Variants in TPRG1 observed in about 807,000 individuals in gnomAD.
TPRG1 encodes tumor protein p63-regulated gene 1 protein.
Under a neutral mutation model 29.3 loss-of-function variants are expected in TPRG1, and 29 were observed. That is an observed-to-expected ratio of 0.99 (90% CI 0.74 to 1.35). The LOEUF (loss-of-function observed/expected upper bound fraction) is 1.35, where lower values mean the gene tolerates loss of function less well. Ranked by LOEUF, TPRG1 falls within the 40% of genes most tolerant of loss-of-function variation. The pLI, the probability that TPRG1 is intolerant of heterozygous loss-of-function variation, is 0.00. For synonymous variants in TPRG1, 130 were observed against 116.8 expected, an observed-to-expected ratio of 1.11 and a Z score of -0.73; for missense variants, 327 against 335.0, an observed-to-expected ratio of 0.98 and a Z score of 0.19.
At chr3:189,086,778 A>G (rs1717973481) in intron 4 of TPRG1, among the ~76,000 whole-genome samples, 1 of 151,984 alleles carries the variant, frequency 6.6e-6, no homozygotes, top group African/African-American at 2.4e-5. Flanking sequence ...TGTTCTTGCA[A>G]TAGTTTGCTG....
intron 4 of TPRG1, among the ~76,000 whole-genome samples, chr3:189,259,391 C>T (rs1712553619): frequency 6.6e-6 from 1 of 151,688 alleles, no homozygotes; most frequent in African/African-American, 2.4e-5. Flanking sequence ...AGAAATCACC[C>T]CTTCTGTGTT....
intron 4 of TPRG1, among the ~76,000 whole-genome samples, chr3:189,033,139 T>C (rs1036532745): frequency 3.9e-5 from 6 of 152,178 alleles, no homozygotes; most frequent in Non-Finnish European, 7.3e-5. Context: ...CCAGAACTTA[T>C]CACATGACCA....
intron 3 of TPRG1, among the ~76,000 whole-genome samples, chr3:189,011,166 C>G (rs1432654470): frequency 6.6e-6 from 1 of 152,056 alleles, no homozygotes; most frequent in East Asian, 1.9e-4. Flanking sequence ...GTTACTGTAG[C>G]CTTGTAGTAT....
intron 1 of TPRG1, among the ~76,000 whole-genome samples, chr3:189,101,702 A>G (rs1719224056): frequency 6.6e-6 from 1 of 152,056 alleles, no homozygotes; most frequent in African/African-American, 2.4e-5. Context: ...GTTCTCTGAT[A>G]TCTTTTAGAG....
intron 1 of TPRG1, among the ~76,000 whole-genome samples, chr3:189,122,229 A>G (rs1297329715): frequency 6.6e-6 from 1 of 152,150 alleles, no homozygotes; most frequent in Non-Finnish European, 1.5e-5. Flanking sequence ...GATATTTCTC[A>G]TTAGGTAGAT....
At chr3:189,300,297 G>C (rs1013049115) in intron 4 of TPRG1, among the ~76,000 whole-genome samples, 8 of 152,168 alleles carry the variant, frequency 5.3e-5, no homozygotes, top group African/African-American at 9.7e-5. Flanking sequence ...TATCTTGTGA[G>C]CTCATGGTAA....
intron 3 of TPRG1, among the ~76,000 whole-genome samples, chr3:189,013,024 G>T (rs1712684786): frequency 1.3e-5 from 2 of 150,154 alleles, no homozygotes; most frequent in African/African-American, 4.9e-5. Context: ...ATCTCCTTCA[G>T]TTCAGCTCTA....
chr3:189,116,293 C>T (rs1360402500), intron 1 of TPRG1, among the ~76,000 whole-genome samples: 1 of 152,012 alleles, frequency 6.6e-6, no homozygotes, highest in Non-Finnish European at 1.5e-5. Flanking sequence ...TTCTCTGCCT[C>T]AGCCTCCTGA....
chr3:189,006,959 G>C (rs1255895804), intron 3 of TPRG1, among the ~76,000 whole-genome samples: 30 of 152,012 alleles, frequency 2.0e-4, no homozygotes, highest in Non-Finnish European at 1.5e-5. Flanking sequence ...GAAAACCTAG[G>C]CATTACCATT....
chr3:189,310,286 A>T, intron 4 of TPRG1, 100 bp from the exon 5 acceptor site: 1 of 996,496 alleles, frequency 1.0e-6, no homozygotes, highest in Non-Finnish European at 1.4e-6. Context: ...CAGTTTAACT[A>T]GTTGGGAGTT....
intron 2 of TPRG1, among the ~76,000 whole-genome samples, chr3:189,003,974 C>T (rs1712160752): frequency 6.6e-6 from 1 of 152,058 alleles, no homozygotes; most frequent in Non-Finnish European, 1.5e-5. Context: ...GGCCCTTGCC[C>T]CTGATTAAAT....
chr3:189,270,003 T>A (rs1714801851), intron 4 of TPRG1, among the ~76,000 whole-genome samples: 2 of 150,492 alleles, frequency 1.3e-5, no homozygotes, highest in South Asian at 4.2e-4. Context: ...TTGGCTATCT[T>A]TTCTCTTCTC....
chr3:189,210,478 A>G (rs1442646908), intron 2 of TPRG1, among the ~76,000 whole-genome samples: 1 of 150,568 alleles, frequency 6.6e-6, no homozygotes, highest in Admixed American at 6.6e-5. Flanking sequence ...ATTCAATAAG[A>G]TAAAGAGTCT....
chr3:189,076,255 C>T (rs746268995), intron 4 of TPRG1, among the ~76,000 whole-genome samples: 10 of 152,080 alleles, frequency 6.6e-5, no homozygotes, highest in African/African-American at 9.7e-5. Flanking sequence ...TAAAAAAGAG[C>T]GCTTTTCCTC....
At chr3:189,244,974 G>A (rs1238695845) in intron 4 of TPRG1, among the ~76,000 whole-genome samples, 1 of 152,156 alleles carries the variant, frequency 6.6e-6, no homozygotes, top group Non-Finnish European at 1.5e-5. Context: ...AAGCTGGAGT[G>A]CAACGGTATG....
chr3:189,289,090 A>T (rs1437832597), intron 4 of TPRG1, among the ~76,000 whole-genome samples: 1 of 152,204 alleles, frequency 6.6e-6, no homozygotes, highest in Non-Finnish European at 1.5e-5. Context: ...TTGCTGAGTG[A>T]TGGGAAACAC....
At chr3:189,251,679 C>T (rs548666657) in intron 4 of TPRG1, among the ~76,000 whole-genome samples, 27 of 152,312 alleles carry the variant, frequency 1.8e-4, no homozygotes, top group Non-Finnish European at 3.1e-4. Context: ...AAGTGCTGTG[C>T]TTTAGATATG....
intron 4 of TPRG1, among the ~76,000 whole-genome samples, chr3:189,297,143 G>A (rs1288355144): frequency 6.6e-6 from 1 of 152,036 alleles, no homozygotes; most frequent in East Asian, 1.9e-4. Flanking sequence ...ACCAAGCCCG[G>A]CTGATTTTTA....
intron 1 of TPRG1, among the ~76,000 whole-genome samples, chr3:189,105,294 T>C (rs73201330): frequency 2.0e-5 from 3 of 152,250 alleles, no homozygotes; most frequent in African/African-American, 4.8e-5. Flanking sequence ...TTACTCATGA[T>C]GTTGGTCCTG....
Sources: allele counts gnomAD v4.1 joint callset (sites outside exome capture counted in the v4.1 genomes callset), GRCh38; gene constraint gnomAD v4.1.1; transcripts MANE v1.5; gene names NCBI Gene and HGNC (gene_info 2026-07-23, HGNC 2026-07-21).